RTEL1: variants seen among roughly 807,000 people sequenced by gnomAD.
The protein encoded by RTEL1 is regulator of telomere elongation helicase 1.
In RTEL1, 86 loss-of-function variants were observed where a neutral mutation model predicts 162.2. The observed-to-expected ratio is 0.53, with a 90% confidence interval of 0.45 to 0.63. The LOEUF is 0.63. Ranked by LOEUF, RTEL1 falls within the 30% of genes least tolerant of loss-of-function variation. The pLI is 0.00. For synonymous variants in RTEL1, 958 were observed against 717.9 expected, an observed-to-expected ratio of 1.33 and a Z score of -5.35; for missense variants, 1,941 against 1,750.2, an observed-to-expected ratio of 1.11 and a Z score of -1.95.
intron 10 of RTEL1, among the ~76,000 whole-genome samples, chr20:63,675,804 C>G (rs1346120371): frequency 6.6e-6 from 1 of 152,246 alleles, no homozygotes; most frequent in African/African-American, 2.4e-5. Flanking sequence ...CCGCCTCTTT[C>G]CATCCTTCGC....
intron 23 of RTEL1, 51 bp downstream of exon 23, chr20:63,689,699 C>G: frequency 6.2e-7 from 1 of 1,604,674 alleles, no homozygotes; most frequent in Non-Finnish European, 8.5e-7. Context: ...TGACTGAGCC[C>G]CCGCCCCGTG....
chr20:63,691,113 G>A (rs1247076052), intron 27 of RTEL1, among the ~76,000 whole-genome samples, 166 bp downstream of exon 27: 1 of 151,996 alleles, frequency 6.6e-6, no homozygotes, highest in African/African-American at 2.4e-5. Context: ...GCTGTCTGTG[G>A]GTCCTCCACC....
In RTEL1 at chr20:63,690,959, G is replaced by C; in HGVS notation, c.2556+12G>C. On this transcript the variant is annotated intron_variant, in intron 27 of 34. Transcript: ENST00000360203. ...CTGGCGAGGAGCAGGTACAGTTCCA[G>C]GGCCTTGGGATGGACACAGACCCTC... 2.6e-6 allele frequency: 4 copies of C among 1,546,124 alleles called. No individual in the cohort carries two copies. The highest frequency in any genetic ancestry group is 3.5e-6 in the Non-Finnish European group (4 of 1,145,768).
At chr20:63,672,324 G>A (rs1244556308) in intron 8 of RTEL1, among the ~76,000 whole-genome samples, 2 of 152,230 alleles carry the variant, frequency 1.3e-5, no homozygotes, top group Non-Finnish European at 1.5e-5. Context: ...GTCTTGCTGA[G>A]CGTGGCACGT....
intron 26 of RTEL1, 55 bp from the exon 27 acceptor site, chr20:63,690,750 G>T: frequency 6.5e-7 from 1 of 1,535,950 alleles, no homozygotes; most frequent in Non-Finnish European, 8.8e-7. Flanking sequence ...CCACAGGCAG[G>T]GACCCCAGCT....
At position 63,694,434 on chromosome 20, in the gene RTEL1, C is replaced by G. The variant is rs1435090971; in HGVS notation, c.3055C>G (p.Gln1019Glu). 1 of 1,612,348 alleles carries G rather than the reference C, an allele frequency of 6.2e-7. No individual in the cohort carries two copies. ...STAAAQQLDPQEHLNQGRPHL... is the reference protein window; with the variant it reads ...STAAAQQLDPEEHLNQGRPHL... ...GGCTGCAGCCCAGCAGCTGGACCCCCAAGAGCACCTGAACCAGGGCAGGCC... is the reference window on the plus strand; with the variant it reads ...GGCTGCAGCCCAGCAGCTGGACCCCGAAGAGCACCTGAACCAGGGCAGGCC... The change falls in exon 31 of 35, where the codon CAA (glutamine) becomes GAA (glutamate). Residue 1019 changes from glutamine (Q) to glutamate (E), a missense_variant. Transcript: ENST00000360203.
intron 2 of RTEL1, among the ~76,000 whole-genome samples, chr20:63,659,810 G>C (rs890460420): frequency 6.6e-6 from 1 of 152,038 alleles, no homozygotes; most frequent in Non-Finnish European, 1.5e-5. Context: ...GGGGACCGGC[G>C]CTCAGCATAC....
chr20:63,685,444 T>C, intron 14 of RTEL1, 79 bp from the exon 15 acceptor site: 2 of 1,446,978 alleles, frequency 1.4e-6, no homozygotes, highest in South Asian at 2.4e-5. Flanking sequence ...TCCTGTGACC[T>C]TCTGTGTATG....
chr20:63,685,745 C>G (rs370974084), intron 15 of RTEL1, 46 bp from the exon 16 acceptor site: 4 of 1,599,246 alleles, frequency 2.5e-6, no homozygotes, highest in Non-Finnish European at 3.4e-6. Context: ...GGGCTGCCCC[C>G]AGGACATGGG....
Position 63,692,866 on chromosome 20 carries a change from A to C in RTEL1, c.2714A>C (p.Gln905Pro), listed in dbSNP as rs2090786703. 6.2e-7 allele frequency: 1 copy of C among 1,612,662 alleles called. No homozygotes were observed. The highest frequency in any genetic ancestry group is 8.5e-7 in the Non-Finnish European group (1 of 1,179,866). ...AAGCTCTTCATGGTGGCCGTGAAGC[A>C]GGAGTTGAGCCAAGCCAACTTTGCC... ...RAKLFMVAVK[Q>P]ELSQANFATF... The change falls in exon 29 of 35, where the codon CAG becomes CCG. Residue 905 changes from glutamine (Q) to proline (P), a missense_variant. Coordinates refer to ENST00000360203, the MANE Select transcript of RTEL1 (RefSeq NM_001283009.2).
At chr20:63,689,997 G>GC in intron 24 of RTEL1, 90 bp from the exon 25 acceptor site, 1 of 1,566,852 alleles carries the variant, frequency 6.4e-7, no homozygotes, top group East Asian at 2.3e-5. Flanking sequence ...TCAGCGTGGG[G>GC]CCCCTGCAGC....
rs566041294 is a variant in RTEL1, at chr20:63,664,794, G to A, written c.539-1210G>A. On this transcript the variant is annotated intron_variant, in intron 6 of 34. Transcript: ENST00000360203. ...GAGGCAGGTATTTTGGGCGAATGAG[G>A]AGACAGCTGGAGAGCTGGCACCCTT... Among the ~76,000 whole-genome samples the A allele has an allele frequency of 2.0e-5, 3 of 152,344 alleles. No individual in the cohort carries two copies. The South Asian group carries it at 6.2e-4, about 32-fold the overall frequency.
chr20:63,661,211 C>T lies in RTEL1; in HGVS notation c.103-87C>T. 1 of 1,280,178 alleles carries T rather than the reference C, an allele frequency of 7.8e-7. No individual in the cohort carries two copies. Among genetic ancestry groups the T allele is most frequent in the Non-Finnish European group, 1.1e-6 (1 of 907,470 alleles). The allele number at this position is 1,280,178 out of a possible 1,614,324, so 79.3% of individuals were successfully genotyped here. A position where few individuals can be genotyped will look rare whatever the true frequency, so the allele number is the denominator to read the frequency against. ...CTCTGCATCTGCAAAGAGCTGCCCG[C>T]TGGCTGCCGAAGCTTGTCTCAGGGC... On this transcript the variant is annotated intron_variant, in intron 2 of 34. Transcript: ENST00000360203. This position sits in a 1 kb window ranked among gnomAD's most constrained non-coding sequence, Gnocchi z 5.1.
intron 10 of RTEL1, among the ~76,000 whole-genome samples, chr20:63,676,806 A>AGG (rs1569093479): frequency 4.6e-5 from 7 of 151,672 alleles, no homozygotes; most frequent in South Asian, 2.1e-4. Flanking sequence ...GTGGTGGTGC[A>AGG]TGCTTGTAAT....
chr20:63,664,910 G>C (rs73920928), intron 6 of RTEL1, among the ~76,000 whole-genome samples: 12,859 of 152,238 alleles, frequency 0.084, 606 homozygotes, highest in African/African-American at 0.11. Flanking sequence ...CGCCCCTCGT[G>C]CCCCTTCCCC....
intron 12 of RTEL1, among the ~76,000 whole-genome samples, chr20:63,679,418 G>T (rs1276126135): frequency 6.6e-6 from 1 of 152,076 alleles, no homozygotes; most frequent in African/African-American, 2.4e-5. Flanking sequence ...TGGGGACTCT[G>T]CCCAGAGCCA....
chr20:63,678,364 A>C lies in RTEL1; in HGVS notation c.1037+18A>C, dbSNP rs761722475. On this transcript the variant is annotated intron_variant, in intron 12 of 34. Transcript: ENST00000360203. ...CCAGGGAGGTGAGAGGCGGGGAGCCAGCCCCTTCACTGCAGGCCCAGCCTA... is the reference window on the plus strand; with the variant it reads ...CCAGGGAGGTGAGAGGCGGGGAGCCCGCCCCTTCACTGCAGGCCCAGCCTA... The C allele has an allele frequency of 6.2e-7, 1 of 1,601,526 alleles. No individual in the cohort carries two copies. Among genetic ancestry groups the C allele is most frequent in the African/African-American group, 1.3e-5 (1 of 74,708 alleles).
In RTEL1 at chr20:63,695,485, G is replaced by A. The variant is rs964521359; in HGVS notation, c.3657G>A (p.Glu1219=). Reference sequence around the variant, plus strand: ...GGCCTGCAGCATCTGAGTGGGGTGAGCCTCATGGGAGAGACATCGCTGGGC... The same window carrying A: ...GGCCTGCAGCATCTGAGTGGGGTGAACCTCATGGGAGAGACATCGCTGGGC... ...PHGPAASEWG[E]PHGRDIAGQQ... The change falls in exon 34 of 35, where the codon GAG becomes GAA. Residue 1219 remains glutamate, a synonymous_variant. Coordinates refer to ENST00000360203, the MANE Select transcript of RTEL1 (RefSeq NM_001283009.2). 1 of 1,608,686 alleles carries A rather than the reference G, an allele frequency of 6.2e-7. No individual in the cohort carries two copies. The highest frequency in any genetic ancestry group is 1.1e-5 in the South Asian group (1 of 90,500).
chr20:63,670,570 G>T (rs1158890180), intron 8 of RTEL1, among the ~76,000 whole-genome samples: 2 of 152,254 alleles, frequency 1.3e-5, no homozygotes, highest in African/African-American at 4.8e-5. Flanking sequence ...AAATTCAGAA[G>T]CCCTGAGTGT....
Sources: allele counts gnomAD v4.1 joint callset (sites outside exome capture counted in the v4.1 genomes callset), GRCh38; gene constraint gnomAD v4.1.1; non-coding constraint Gnocchi (gnomAD v3.1); transcripts MANE v1.5; gene names NCBI Gene and HGNC (gene_info 2026-07-23, HGNC 2026-07-21).